The following CDK1 variants were observed in gnomAD, a reference collection of about 807,000 sequenced individuals.
CDK1 encodes the protein cyclin-dependent kinase 1.
A neutral mutation model predicts 34.6 loss-of-function variants in CDK1; 5 were observed. The observed-to-expected ratio is 0.14, with a 90% confidence interval of 0.08 to 0.30. CDK1 has a LOEUF of 0.30. CDK1 is among the 10% of genes least tolerant of loss of function. CDK1 has a pLI of 1.00. For missense variants in CDK1, 157 were observed against 345.7 expected (o/e 0.45, Z 4.33); for synonymous variants, 108 against 114.7 (o/e 0.94, Z 0.37).
At chr10:60,783,625 C>T (rs1281016106) in intron 2 of CDK1, 2 of 152,080 alleles carry the variant, frequency 1.3e-5, no homozygotes, top group African/African-American at 2.4e-5. Context: ...GGGTTCAGGA[C>T]CTCCCTAAAC....
chr10:60,782,401 A>T (rs2080280517), intron 2 of CDK1, among the ~76,000 whole-genome samples: 1 of 152,182 alleles, frequency 6.6e-6, no homozygotes, highest in South Asian at 2.1e-4. Context: ...TATTTTAAAT[A>T]TTACAAAAAT....
intron 7 of CDK1, 127 bp from the exon 8 acceptor site, chr10:60,793,750 C>T: frequency 3.4e-6 from 2 of 580,600 alleles, no homozygotes; most frequent in Non-Finnish European, 3.0e-6. Flanking sequence ...TGGAAATGCT[C>T]ATTTAATAGA....
chr10:60,780,293 T>C, intron 2 of CDK1, 91 bp downstream of exon 2: 1 of 772,022 alleles, frequency 1.3e-6, no homozygotes, highest in East Asian at 2.6e-5. Flanking sequence ...TTATTAAAAT[T>C]CAACCATTAA....
intron 6 of CDK1, 33 bp downstream of exon 6, chr10:60,792,086 C>A: frequency 6.2e-7 from 1 of 1,601,402 alleles, no homozygotes; most frequent in Non-Finnish European, 8.5e-7. Context: ...ATAAAGGTAA[C>A]ATATATGTAA....
chr10:60,779,400 C>T lies in CDK1; in HGVS notation c.-25-741C>T, dbSNP rs2080252876. Among the ~76,000 whole-genome samples, 4 of 151,682 alleles carry T rather than the reference C, an allele frequency of 2.6e-5. No homozygotes were observed. The South Asian group carries it at 8.3e-4, about 31-fold the overall frequency. ...TCTGGTTGTCAGCTTTTTTTTTTAACCCATTCATTGTGATTCAAGTATACC... is the reference window on the plus strand; with the variant it reads ...TCTGGTTGTCAGCTTTTTTTTTTAATCCATTCATTGTGATTCAAGTATACC... On this transcript the variant is annotated intron_variant, in intron 1 of 7. Coordinates refer to ENST00000395284, the MANE Select transcript of CDK1 (RefSeq NM_001786.5).
intron 2 of CDK1, among the ~76,000 whole-genome samples, chr10:60,782,656 A>T (rs1486363549): frequency 6.6e-6 from 1 of 152,090 alleles, no homozygotes; most frequent in Non-Finnish European, 1.5e-5. Flanking sequence ...GTTTCCTGGG[A>T]TAAATCTTCC....
chr10:60,790,214 A>G (rs761207690), intron 5 of CDK1, among the ~76,000 whole-genome samples: 3 of 152,086 alleles, frequency 2.0e-5, no homozygotes, highest in African/African-American at 4.8e-5. Context: ...TTTGCTGTGC[A>G]GAAGCTTTTT....
intron 3 of CDK1, 122 bp from the exon 4 acceptor site, chr10:60,785,542 A>C: frequency 1.6e-6 from 1 of 608,078 alleles, no homozygotes; most frequent in Non-Finnish European, 2.9e-6. Context: ...TCCATTAGGG[A>C]AGCTACTACG....
At chr10:60,789,417 A>G (rs1469548659) in intron 5 of CDK1, among the ~76,000 whole-genome samples, 1 of 152,174 alleles carries the variant, frequency 6.6e-6, no homozygotes, top group Non-Finnish European at 1.5e-5. Context: ...AATAACCACT[A>G]TTCCACTCTA....
intron 5 of CDK1, among the ~76,000 whole-genome samples, chr10:60,788,556 T>C (rs2080334326): frequency 6.6e-6 from 1 of 152,120 alleles, no homozygotes; most frequent in Non-Finnish European, 1.5e-5. Context: ...TCCTTTGTTG[T>C]ACTTTAATTC....
intron 4 of CDK1, chr10:60,786,509 C>T (rs2080317513): frequency 3.2e-5 from 9 of 279,312 alleles, no homozygotes; most frequent in Non-Finnish European, 4.9e-5. Context: ...GTTATTGTTG[C>T]TCTTATTAAC....
intron 1 of CDK1, among the ~76,000 whole-genome samples, chr10:60,778,941 T>C (rs1163873110): frequency 6.6e-6 from 1 of 152,108 alleles, no homozygotes; most frequent in Non-Finnish European, 1.5e-5. Context: ...AGCAGGCTCT[T>C]TCCTGGGCCC....
At position 60,788,206 on chromosome 10, in the gene CDK1, A is replaced by T; in HGVS notation, c.465A>T (p.Ile155=). ...ADFGLARAFG[I]PIRVYTHEVV... ...TTGGCCTTGCCAGAGCTTTTGGAAT[A>T]CCTATCAGAGTATATACACATGAGG... The change falls in exon 5 of 8, where the codon ATA becomes ATT. Residue 155 remains isoleucine, a synonymous_variant. Transcript: ENST00000395284. The T allele has an allele frequency of 6.2e-7, 1 of 1,611,276 alleles. No individual in the cohort carries two copies. The highest frequency in any genetic ancestry group is 8.5e-7 in the Non-Finnish European group (1 of 1,178,332).
intron 3 of CDK1, among the ~76,000 whole-genome samples, chr10:60,785,384 G>A (rs2448347): frequency 0.45 from 68,924 of 151,898 alleles, 15,922 homozygotes; most frequent in East Asian, 0.7. Flanking sequence ...ATTCACTTCA[G>A]TGAAAAAATA....
At chr10:60,786,990 T>C (rs2080322201) in intron 4 of CDK1, 2 of 981,222 alleles carry the variant, frequency 2.0e-6, no homozygotes, top group Admixed American at 1.2e-4. Context: ...CTTCCACACA[T>C]ACTTTTTTTG....
intron 4 of CDK1, among the ~76,000 whole-genome samples, chr10:60,787,416 A>G (rs1384875892): frequency 1.3e-5 from 2 of 151,982 alleles, no homozygotes; most frequent in African/African-American, 4.8e-5. Flanking sequence ...TTGTTTTTTG[A>G]ACACCACTTG....
Position 60,784,800 on chromosome 10 carries a change from C to G in CDK1, c.133C>G (p.Pro45Ala). 2 of 1,612,522 alleles carry G rather than the reference C, an allele frequency of 1.2e-6. No homozygotes were observed. Among genetic ancestry groups the G allele is most frequent in the Non-Finnish European group, 1.7e-6 (2 of 1,178,674 alleles). Reference protein sequence around the residue: ...IRLESEEEGVPSTAIREISLL... With the variant: ...IRLESEEEGVASTAIREISLL... ...ACTAGAAAGTGAAGAGGAAGGGGTT[C>G]CTAGTACTGCAATTCGGGAAATTTC... The change falls in exon 3 of 8, where the codon CCT becomes GCT. Residue 45 changes from proline to alanine, a missense_variant. Coordinates refer to ENST00000395284, the MANE Select transcript of CDK1 (RefSeq NM_001786.5).
At chr10:60,784,197 A>C (rs2132065947) in intron 2 of CDK1, among the ~76,000 whole-genome samples, 1 of 152,306 alleles carries the variant, frequency 6.6e-6, no homozygotes, top group African/African-American at 2.4e-5. Flanking sequence ...GACTACATGA[A>C]TTTTATTTTT....
At chr10:60,779,173 T>C (rs559949380) in intron 1 of CDK1, among the ~76,000 whole-genome samples, 44 of 152,352 alleles carry the variant, frequency 2.9e-4, no homozygotes, top group Admixed American at 7.2e-4. Flanking sequence ...AGTGCAGTTT[T>C]TTTCATTTAA....
Sources: gnomAD v4.1 joint callset for allele counts (sites outside exome capture counted in the v4.1 genomes callset) on GRCh38, gnomAD v4.1.1 for gene constraint, MANE v1.5 for transcripts, NCBI Gene and HGNC (gene_info 2026-07-23, HGNC 2026-07-21) for gene names.